LPXN: variants seen among roughly 807,000 people sequenced by gnomAD.
LPXN encodes the protein leupaxin.
A neutral mutation model predicts 45.6 loss-of-function variants in LPXN; 28 were observed. The ratio of observed to expected loss-of-function variants is 0.61; its 90% CI spans 0.45 to 0.84. The LOEUF (loss-of-function observed/expected upper bound fraction) is 0.84, where lower values mean the gene tolerates loss of function less well. LPXN is among the 40% of genes least tolerant of loss of function. The pLI is 0.00. For synonymous variants in LPXN, 166 were observed against 169.9 expected, an observed-to-expected ratio of 0.98 and a Z score of 0.18; for missense variants, 459 against 475.0, an observed-to-expected ratio of 0.97 and a Z score of 0.31.
intron 3 of LPXN, among the ~76,000 whole-genome samples, chr11:58,556,745 A>T (rs935439802): frequency 6.6e-6 from 1 of 152,150 alleles, no homozygotes; most frequent in Non-Finnish European, 1.5e-5. Flanking sequence ...TCCAATGCGA[A>T]AAAAAGAACC....
intron 3 of LPXN, 140 bp from the exon 4 acceptor site, chr11:58,555,080 AAATATATT>A (rs1395512101): frequency 5.1e-6 from 3 of 586,582 alleles, no homozygotes; most frequent in Non-Finnish European, 9.0e-6. Context: ...GGTATTTTAA[AAATATATT>A]AATATGTACT....
intron 2 of LPXN, among the ~76,000 whole-genome samples, chr11:58,566,116 G>T (rs1337093353): frequency 6.6e-6 from 1 of 150,626 alleles, no homozygotes; most frequent in African/African-American, 2.4e-5. Flanking sequence ...ATTGGGATGT[G>T]GACATTTTTC....
intron 3 of LPXN, among the ~76,000 whole-genome samples, chr11:58,562,291 C>T (rs1242481630): frequency 1.3e-5 from 2 of 152,058 alleles, no homozygotes; most frequent in Non-Finnish European, 2.9e-5. Context: ...ATGTTAAAAG[C>T]AATATTTAGT....
In LPXN at chr11:58,527,423, G is replaced by A; in HGVS notation, c.*31C>T. ...TCCTCTCTTGGTTTAAATTTTATAA[G>A]GAATCTGAAGAGGCTATGGATCAGT... On this transcript the variant is annotated 3_prime_UTR_variant, in exon 9 of 9. Coordinates refer to ENST00000395074, the MANE Select transcript of LPXN (RefSeq NM_004811.3). 1.9e-6 allele frequency: 3 copies of A among 1,604,728 alleles called. No homozygotes were observed. The highest frequency in any genetic ancestry group is 2.6e-6 in the Non-Finnish European group (3 of 1,172,704).
At chr11:58,551,446 T>G (rs1169617433) in intron 4 of LPXN, among the ~76,000 whole-genome samples, 2 of 152,216 alleles carry the variant, frequency 1.3e-5, no homozygotes, top group African/African-American at 4.8e-5. Context: ...GAAATCTGAC[T>G]AATTTTATAT....
At chr11:58,565,846 A>G (rs1363788288) in intron 2 of LPXN, among the ~76,000 whole-genome samples, 1 of 151,938 alleles carries the variant, frequency 6.6e-6, no homozygotes, top group East Asian at 1.9e-4. Flanking sequence ...AAATACAAAA[A>G]AATTTGCCAG....
chr11:58,570,615 T>A lies in LPXN; in HGVS notation c.112A>T (p.Thr38Ser). 2 of 1,613,692 alleles carry A rather than the reference T, an allele frequency of 1.2e-6. No homozygotes were observed. The highest frequency in any genetic ancestry group is 1.7e-6 in the Non-Finnish European group (2 of 1,179,838). The change falls in exon 2 of 9, where the codon ACT (threonine) becomes TCT (serine). Residue 38 changes from threonine to serine, a missense_variant. Transcript: ENST00000395074. ...ATCTCCGAAGTCTCATCAAGGTTAG[T>A]CTCCTTTCTGGAATGCTGATCCAGG... ...LPLDQHSRKE[T>S]NLDETSEILS...
intron 7 of LPXN, among the ~76,000 whole-genome samples, chr11:58,539,543 C>T (rs1853653634): frequency 6.6e-6 from 1 of 152,010 alleles, no homozygotes; most frequent in Non-Finnish European, 1.5e-5. Flanking sequence ...CAGAAAGATA[C>T]AGTAACCAAA....
intron 7 of LPXN, among the ~76,000 whole-genome samples, chr11:58,538,837 A>C (rs1400521432): frequency 6.6e-6 from 1 of 152,104 alleles, no homozygotes; most frequent in Non-Finnish European, 1.5e-5. Context: ...AACTTATTAC[A>C]GGTAGATTAC....
chr11:58,552,707 A>C (rs1162476449), intron 4 of LPXN, among the ~76,000 whole-genome samples: 1 of 152,240 alleles, frequency 6.6e-6, no homozygotes, highest in African/African-American at 2.4e-5. Flanking sequence ...CATTTTGATC[A>C]TCTGACAGAC....
upstream of LPXN, among the ~76,000 whole-genome samples, chr11:58,578,467 C>A (rs1854984953): frequency 2.0e-5 from 3 of 152,228 alleles, no homozygotes; most frequent in South Asian, 6.2e-4. Context: ...CCCCCACAAC[C>A]CCGCCTCCGT....
upstream of LPXN, among the ~76,000 whole-genome samples, chr11:58,576,994 G>A (rs1259139063): frequency 2.0e-5 from 3 of 152,110 alleles, no homozygotes; most frequent in Non-Finnish European, 2.9e-5. Context: ...GTCTCCCTAT[G>A]TTGCCCAGGC....
At chr11:58,564,335 T>A in intron 2 of LPXN, 134 bp from the exon 3 acceptor site, 1 of 651,396 alleles carries the variant, frequency 1.5e-6, no homozygotes, top group Non-Finnish European at 2.7e-6. Flanking sequence ...ATCTATGAGC[T>A]CTTCTTTCAC....
chr11:58,569,816 C>T (rs190867388), intron 2 of LPXN, among the ~76,000 whole-genome samples: 1 of 152,120 alleles, frequency 6.6e-6, no homozygotes, highest in African/African-American at 2.4e-5. Context: ...AAAATAAGAC[C>T]TGGGAAGTAG....
intron 7 of LPXN, 48 bp downstream of exon 7, chr11:58,549,738 T>A (rs1282374626): frequency 6.5e-7 from 1 of 1,535,528 alleles, no homozygotes; most frequent in Non-Finnish European, 9.0e-7. Flanking sequence ...GCTGGTCTTA[T>A]AACTACCCAC....
At chr11:58,540,533 G>C (rs1853684026) in intron 7 of LPXN, among the ~76,000 whole-genome samples, 1 of 152,134 alleles carries the variant, frequency 6.6e-6, no homozygotes, top group African/African-American at 2.4e-5. Context: ...TTCTAAACTT[G>C]CTTCTTAATA....
chr11:58,555,955 G>C (rs972369783), intron 3 of LPXN, among the ~76,000 whole-genome samples: 1 of 152,042 alleles, frequency 6.6e-6, no homozygotes, highest in Non-Finnish European at 1.5e-5. Context: ...GCATAAATTA[G>C]TGAAACAGAA....
rs549049314 is a variant in LPXN at position 58,545,540 on chromosome 11, A to G, written c.742+4246T>C. 2.0e-5 allele frequency among the ~76,000 whole-genome samples: 3 copies of G among 152,338 alleles called. No homozygotes were observed. In the East Asian group the frequency reaches 5.8e-4, roughly 29 times the overall value. On this transcript the variant is annotated intron_variant, in intron 7 of 8. Coordinates refer to ENST00000395074, the MANE Select transcript of LPXN (RefSeq NM_004811.3). ...ATGCTGCTTAGGTAAAATACCATCT[A>G]GAAATGAAATACCTAATGATTTGTG...
intron 1 of LPXN, among the ~76,000 whole-genome samples, chr11:58,573,046 G>C (rs949678241): frequency 2.6e-5 from 4 of 152,096 alleles, no homozygotes; most frequent in African/African-American, 9.7e-5. Flanking sequence ...GGGAGTTCGA[G>C]ACCAGCCTGA....
Sources: gnomAD v4.1 joint callset for allele counts (sites outside exome capture counted in the v4.1 genomes callset) on GRCh38, gnomAD v4.1.1 for gene constraint, MANE v1.5 for transcripts, NCBI Gene and HGNC (gene_info 2026-07-23, HGNC 2026-07-21) for gene names.